The following MIDEAS variants were observed in gnomAD, a reference collection of about 807,000 sequenced individuals.
MIDEAS encodes mitotic deacetylase associated SANT domain protein.
MIDEAS carries 26 observed loss-of-function variants against 102.7 expected under a neutral mutation model. That is an observed-to-expected ratio of 0.25 (90% confidence interval 0.19 to 0.35). The LOEUF (loss-of-function observed/expected upper bound fraction) is 0.35, where lower values mean the gene tolerates loss of function less well. Among genes scored for constraint, MIDEAS ranks in the 10% least tolerant of loss-of-function variants. MIDEAS has a pLI of 1.00. For synonymous variants in MIDEAS, 585 were observed against 591.0 expected, an observed-to-expected ratio of 0.99 and a Z score of 0.15; for missense variants, 1,231 against 1,435.6, an observed-to-expected ratio of 0.86 and a Z score of 2.30.
upstream of MIDEAS, among the ~76,000 whole-genome samples, chr14:73,762,496 G>A (rs1381505703): frequency 6.6e-6 from 1 of 152,226 alleles, no homozygotes; most frequent in Non-Finnish European, 1.5e-5. Context: ...GCACACATGT[G>A]TGCAGGGGAG....
upstream of MIDEAS, among the ~76,000 whole-genome samples, chr14:73,760,541 A>G (rs537986041): frequency 6.6e-6 from 1 of 152,166 alleles, no homozygotes; most frequent in Non-Finnish European, 1.5e-5. This position sits in a 1 kb window ranked among gnomAD's most constrained non-coding sequence, Gnocchi z 4.8. Flanking sequence ...TCAGGAGGAG[A>G]CGGTGACGAA....
At chr14:73,769,838 G>T (rs1359565011) in intron 1 of MIDEAS, among the ~76,000 whole-genome samples, 2 of 151,168 alleles carry the variant, frequency 1.3e-5, no homozygotes, top group African/African-American at 4.9e-5. Context: ...CTGACCTGGT[G>T]ATCTGCCCGC....
At chr14:73,724,603 G>A (rs2140099762) in intron 9 of MIDEAS, 1 of 153,806 alleles carries the variant, frequency 6.5e-6, no homozygotes, top group East Asian at 1.9e-4. Flanking sequence ...CTAGTCCCCA[G>A]GGCTGTTCCC....
At chr14:73,744,583 A>T (rs1393274144) in intron 1 of MIDEAS, among the ~76,000 whole-genome samples, 1 of 152,166 alleles carries the variant, frequency 6.6e-6, no homozygotes, top group Non-Finnish European at 1.5e-5. Context: ...ACCCAAGGGC[A>T]AGACAGGCCC....
At chr14:73,779,534 C>A (rs868868266) in intron 1 of MIDEAS, among the ~76,000 whole-genome samples, 21 of 144,360 alleles carry the variant, frequency 1.5e-4, no homozygotes, top group African/African-American at 5.1e-4. Context: ...TGATTACATT[C>A]TTTTATTTTT....
At chr14:73,743,156 C>T (rs1212516136) in intron 1 of MIDEAS, among the ~76,000 whole-genome samples, 2 of 152,100 alleles carry the variant, frequency 1.3e-5, no homozygotes, top group Non-Finnish European at 2.9e-5. Flanking sequence ...CCCCAGACCC[C>T]TCTTCATACA....
At chr14:73,775,761 T>G (rs1041919254) in intron 1 of MIDEAS, among the ~76,000 whole-genome samples, 1 of 152,080 alleles carries the variant, frequency 6.6e-6, no homozygotes, top group East Asian at 1.9e-4. Context: ...GTGCCCTTGC[T>G]TCAAAGAGTT....
chr14:73,718,536 A>T lies in MIDEAS; in HGVS notation c.*307T>A. On this transcript the variant is annotated 3_prime_UTR_variant, in exon 13 of 13. Coordinates refer to ENST00000423556, the MANE Select transcript of MIDEAS (RefSeq NM_001367710.1). The stretch of plus-strand genomic sequence containing the variant: ...AAAGACTGCGGGGCAGCAGAGCAGC[A>T]GAAATCGGAGTGTGAGAGGCGGTGG... 3.8e-6 allele frequency: 1 copy of T among 261,692 alleles called. No individual in the cohort carries two copies. The highest frequency in any genetic ancestry group is 7.2e-6 in the Non-Finnish European group (1 of 139,770). 16.2% of individuals were successfully genotyped at this position (261,692 alleles called of 1,614,324 possible).
At chr14:73,755,714 G>A (rs2053471518) in intron 1 of MIDEAS, among the ~76,000 whole-genome samples, 3 of 152,188 alleles carry the variant, frequency 2.0e-5, no homozygotes, top group Admixed American at 2.0e-4. Context: ...CATGTCTAGG[G>A]TGGAGTGGAT....
Position 73,739,918 on chromosome 14 carries a change from G to T in MIDEAS, c.91C>A (p.Pro31Thr). 6.5e-7 allele frequency: 1 copy of T among 1,540,186 alleles called. No individual in the cohort carries two copies. The highest frequency in any genetic ancestry group is 8.7e-7 in the Non-Finnish European group (1 of 1,143,104). ...QEPAPKEQPP[P>T]LQPPQQSIRV... Reference sequence around the variant, plus strand: ...ATGGACTGCTGGGGGGGCTGCAGGGGAGGGGGCTGCTCCTTGGGAGCTGGT... The same window carrying T: ...ATGGACTGCTGGGGGGGCTGCAGGGTAGGGGGCTGCTCCTTGGGAGCTGGT... The change falls in exon 2 of 13, where the codon CCC becomes ACC. Residue 31 changes from proline to threonine, a missense_variant. By Grantham distance (38) the Pro-to-Thr change is conservative. Transcript: ENST00000423556.
chr14:73,750,527 T>C (rs908086282), intron 1 of MIDEAS, among the ~76,000 whole-genome samples: 3 of 152,170 alleles, frequency 2.0e-5, no homozygotes, highest in Non-Finnish European at 4.4e-5. Flanking sequence ...CCAAAGGGTG[T>C]TGAGGTATGG....
intron 7 of MIDEAS, among the ~76,000 whole-genome samples, 175 bp from the exon 8 acceptor site, chr14:73,726,283 GA>G (rs1309936134): frequency 6.6e-6 from 1 of 152,124 alleles, no homozygotes; most frequent in African/African-American, 2.4e-5. Flanking sequence ...GGGCTGCCCA[GA>G]AAACAGACCT....
intron 1 of MIDEAS, among the ~76,000 whole-genome samples, chr14:73,786,291 C>A (rs2053808129): frequency 6.6e-6 from 1 of 152,192 alleles, no homozygotes; most frequent in South Asian, 2.1e-4. Context: ...CCGAGGGCGA[C>A]GGGAACCACC....
intron 1 of MIDEAS, among the ~76,000 whole-genome samples, chr14:73,747,759 C>T (rs1242963065): frequency 6.6e-6 from 1 of 152,084 alleles, no homozygotes; most frequent in Non-Finnish European, 1.5e-5. Flanking sequence ...AGGTGGTGCC[C>T]ATGCACTGGA....
chr14:73,727,720 C>A, intron 4 of MIDEAS, 196 bp from the exon 5 acceptor site: 1 of 561,660 alleles, frequency 1.8e-6, no homozygotes, highest in Admixed American at 3.5e-5. Flanking sequence ...ATTTGGGTGC[C>A]TCAGTTTTCA....
chr14:73,721,986 T>C (rs1290080039), intron 10 of MIDEAS, among the ~76,000 whole-genome samples: 2 of 152,226 alleles, frequency 1.3e-5, no homozygotes. Flanking sequence ...GGTGGATACA[T>C]GGACATAGGA....
chr14:73,722,097 T>C (rs942108130), intron 10 of MIDEAS, among the ~76,000 whole-genome samples: 1 of 152,218 alleles, frequency 6.6e-6, no homozygotes, highest in African/African-American at 2.4e-5. Flanking sequence ...CTAGACTTGA[T>C]AATCTCTTTA....
chr14:73,767,177 TAACA>T (rs1461265636), intron 1 of MIDEAS, among the ~76,000 whole-genome samples: 1 of 152,178 alleles, frequency 6.6e-6, no homozygotes, highest in African/African-American at 2.4e-5. Context: ...GTATATAAAA[TAACA>T]CTACATCTTC....
rs774599812 is a variant in MIDEAS at position 73,737,206 on chromosome 14, T to C, written c.1541A>G (p.Lys514Arg). 5 of 1,614,118 alleles carry C rather than the reference T, an allele frequency of 3.1e-6. No individual in the cohort carries two copies. Among genetic ancestry groups the C allele is most frequent in the Non-Finnish European group, 2.5e-6 (3 of 1,180,016 alleles). Residue 514 changes from lysine (K) to arginine (R), a missense_variant, in exon 3 of 13, where the codon AAG becomes AGG. Physicochemically the swap from Lys to Arg is conservative, Grantham distance 26. Around this residue, in one of 5 missense-constraint regions of MIDEAS, gnomAD observed 758 missense variants for 856.0 expected, o/e 0.89. Transcript: ENST00000423556. ...VEFSEPSLATKRAREDSGMVP... is the reference protein window; with the variant it reads ...VEFSEPSLATRRAREDSGMVP... The stretch of plus-strand genomic sequence containing the variant: ...CATCCCACTGTCTTCTCGTGCTCGC[T>C]TGGTGGCTAAGGAAGGCTCAGAAAA...
Sources: gnomAD v4.1 joint callset for allele counts (sites outside exome capture counted in the v4.1 genomes callset) on GRCh38, gnomAD v4.1.1 for gene constraint, gnomAD v4.1.1 regional missense constraint, Gnocchi (gnomAD v3.1) non-coding constraint, MANE v1.5 for transcripts, NCBI Gene and HGNC (gene_info 2026-07-23, HGNC 2026-07-21) for gene names.